The following PTPN1 variants were observed in gnomAD, a reference collection of about 807,000 sequenced individuals.
PTPN1 encodes protein tyrosine phosphatase non-receptor type 1.
In PTPN1, 12 loss-of-function variants were observed where a neutral mutation model predicts 59.9. That is an observed-to-expected ratio of 0.20 (90% confidence interval 0.13 to 0.32). PTPN1 has a LOEUF of 0.32. Ranked by LOEUF, PTPN1 falls within the 10% of genes least tolerant of loss-of-function variation. The pLI is 1.00. For synonymous variants in PTPN1, 178 were observed against 203.6 expected (o/e 0.87, Z 1.07); for missense variants, 356 against 549.2 (o/e 0.65, Z 3.52).
intron 1 of PTPN1, among the ~76,000 whole-genome samples, chr20:50,525,578 A>G (rs1274639566): frequency 6.6e-6 from 1 of 151,422 alleles, no homozygotes; most frequent in Non-Finnish European, 1.5e-5. Flanking sequence ...AATTCTAGCT[A>G]TGAGGATTAT....
At chr20:50,561,534 G>T in intron 2 of PTPN1, 81 bp downstream of exon 2, 3 of 841,232 alleles carry the variant, frequency 3.6e-6, no homozygotes, top group South Asian at 1.7e-5. Context: ...TCGCCTCAGG[G>T]TTTAGTATAA....
At chr20:50,554,662 T>C (rs780549070) in intron 1 of PTPN1, among the ~76,000 whole-genome samples, 4 of 151,898 alleles carry the variant, frequency 2.6e-5, no homozygotes, top group Non-Finnish European at 5.9e-5. Flanking sequence ...AAATAAAAAA[T>C]GTATGATAAT....
intron 1 of PTPN1, among the ~76,000 whole-genome samples, chr20:50,523,334 A>G (rs2082559464): frequency 6.6e-6 from 1 of 152,164 alleles, no homozygotes; most frequent in Admixed American, 6.5e-5. Flanking sequence ...AATATAGAAC[A>G]TTCGGAGAAT....
At chr20:50,580,066 T>A in intron 8 of PTPN1, 140 bp downstream of exon 8, 1 of 753,128 alleles carries the variant, frequency 1.3e-6, no homozygotes, top group Non-Finnish European at 2.2e-6. Flanking sequence ...ACAGGGCGCG[T>A]GGACCACAGC....
In PTPN1 at chr20:50,579,184, A is replaced by C; in HGVS notation, c.719A>C (p.Asp240Ala). ...TCLLLMDKRK[D>A]PSSVDIKKVL... ...GGCTTTCAGATGGACAAGAGGAAAGACCCTTCTTCCGTTGATATCAAGAAA... is the reference window on the plus strand; with the variant it reads ...GGCTTTCAGATGGACAAGAGGAAAGCCCCTTCTTCCGTTGATATCAAGAAA... Residue 240 changes from aspartate to alanine, a missense_variant, in exon 7 of 10, where the codon GAC (aspartate) becomes GCC (alanine). Asp to Ala is a moderately radical substitution (Grantham distance 126). This residue lies in a region of PTPN1 where 194 missense variants were observed against 344.2 expected (regional missense o/e 0.56). Coordinates refer to ENST00000371621, the MANE Select transcript of PTPN1 (RefSeq NM_002827.4). The C allele has an allele frequency of 6.2e-7, 1 of 1,614,186 alleles. No homozygotes were observed.
rs1159767206 is a variant in PTPN1 at position 50,583,364 on chromosome 20, A to G, written c.*649A>G. ...ATTGTGGGTAACGTGAGAAGATAGA[A>G]CAATGCTATAATATATAATGAACAC... On this transcript the variant is annotated 3_prime_UTR_variant, in exon 10 of 10. Coordinates refer to ENST00000371621, the MANE Select transcript of PTPN1 (RefSeq NM_002827.4). The G allele has an allele frequency of 2.6e-5, 4 of 152,576 alleles. No homozygotes were observed. The highest frequency in any genetic ancestry group is 5.9e-5 in the Non-Finnish European group (4 of 68,302). The allele number at this position is 152,576 out of a possible 1,614,324, so 9.5% of individuals were successfully genotyped here.
chr20:50,523,014 C>T (rs1213403316), intron 1 of PTPN1, among the ~76,000 whole-genome samples: 1 of 151,934 alleles, frequency 6.6e-6, no homozygotes, highest in Non-Finnish European at 1.5e-5. Context: ...GATCCATCCA[C>T]CTCGGCCTCC....
intron 1 of PTPN1, among the ~76,000 whole-genome samples, chr20:50,552,646 G>A (rs2082707355): frequency 6.6e-6 from 1 of 151,654 alleles, no homozygotes; most frequent in African/African-American, 2.4e-5. Context: ...CTCAAACTGG[G>A]TAATATAATG....
intron 1 of PTPN1, among the ~76,000 whole-genome samples, chr20:50,554,879 A>AG (rs1184864989): frequency 1.3e-5 from 2 of 152,278 alleles, no homozygotes; most frequent in East Asian, 1.9e-4. Context: ...GCAGAGACAG[A>AG]GGAAAAAAGG....
At chr20:50,513,476 G>A (rs1466889672) in intron 1 of PTPN1, among the ~76,000 whole-genome samples, 1 of 152,142 alleles carries the variant, frequency 6.6e-6, no homozygotes, top group Non-Finnish European at 1.5e-5. Context: ...TGGGTCCGGT[G>A]TTTTGCTTGT....
At chr20:50,547,237 ATACCTTT>A (rs2082679506) in intron 1 of PTPN1, among the ~76,000 whole-genome samples, 2 of 152,222 alleles carry the variant, frequency 1.3e-5, no homozygotes, top group Admixed American at 6.5e-5. Flanking sequence ...AGCAATTTTT[ATACCTTT>A]GGTAACGATT....
At chr20:50,524,117 G>A (rs1221580664) in intron 1 of PTPN1, among the ~76,000 whole-genome samples, 2 of 152,080 alleles carry the variant, frequency 1.3e-5, no homozygotes, top group African/African-American at 4.8e-5. Context: ...CTGCCATATG[G>A]CCTCTAAACG....
intron 3 of PTPN1, among the ~76,000 whole-genome samples, chr20:50,565,546 T>A (rs2082774903): frequency 1.3e-5 from 2 of 152,210 alleles, no homozygotes. Context: ...TGAACAAGCA[T>A]GAAAAATGAC....
At chr20:50,548,216 C>T (rs1430998243) in intron 1 of PTPN1, among the ~76,000 whole-genome samples, 5 of 152,062 alleles carry the variant, frequency 3.3e-5, no homozygotes, top group African/African-American at 1.2e-4. Flanking sequence ...TTTGCTCATG[C>T]TTTGACTGGG....
rs559906719 is a variant in PTPN1, at chr20:50,582,867, C to T, written c.*152C>T. 2.1e-4 allele frequency: 180 copies of T among 854,160 alleles called. No individual in the cohort carries two copies. The highest frequency in any genetic ancestry group is 2.9e-4 in the Admixed American group (13 of 44,490). 52.9% of individuals were successfully genotyped at this position (854,160 alleles called of 1,614,324 possible). A position where few individuals can be genotyped will look rare whatever the true frequency, so the allele number is the denominator to read the frequency against. On this transcript the variant is annotated 3_prime_UTR_variant, in exon 10 of 10. Transcript: ENST00000371621. The surrounding 1 kb of genome is among the most constrained non-coding windows in gnomAD (Gnocchi z 4.2). The stretch of plus-strand genomic sequence containing the variant: ...ACGTTGGTTCTGCACTAAAACCCAT[C>T]TTCCCCGGATGTGTGTCTCACCCCT...
In PTPN1 at chr20:50,576,773, G is replaced by A. The variant is rs185801372; in HGVS notation, c.493-1647G>A. Among the ~76,000 whole-genome samples, 1,426 of 152,084 alleles carry A rather than the reference G, an allele frequency of 9.4e-3. 8 individuals carry two copies. Among genetic ancestry groups the A allele is most frequent in the Non-Finnish European group, 0.015 (988 of 67,994 alleles). On this transcript the variant is annotated intron_variant, in intron 5 of 9. Transcript: ENST00000371621. The stretch of plus-strand genomic sequence containing the variant: ...CACCTGTAATCCCAGCTACTCGGGA[G>A]GCTGAGGCAGAGAATTGCTTGAACC...
chr20:50,549,458 G>A (rs1258604557), intron 1 of PTPN1, among the ~76,000 whole-genome samples: 1 of 152,102 alleles, frequency 6.6e-6, no homozygotes, highest in Non-Finnish European at 1.5e-5. Context: ...TTCTGTTAGT[G>A]ACTTGTAGCT....
chr20:50,572,242 G>A (rs1294613443), intron 4 of PTPN1: 1 of 152,200 alleles, frequency 6.6e-6, no homozygotes, highest in Admixed American at 6.5e-5. Flanking sequence ...GCCTGGTGAA[G>A]TACTGTGTTC....
chr20:50,553,804 C>T (rs181543320), intron 1 of PTPN1, among the ~76,000 whole-genome samples: 50 of 151,806 alleles, frequency 3.3e-4, no homozygotes, highest in African/African-American at 1.0e-3. Context: ...GAAAAACAAC[C>T]GAATACCATT....
Sources: gnomAD v4.1 joint callset for allele counts (sites outside exome capture counted in the v4.1 genomes callset) on GRCh38, gnomAD v4.1.1 for gene constraint, gnomAD v4.1.1 regional missense constraint, Gnocchi (gnomAD v3.1) non-coding constraint, MANE v1.5 for transcripts, NCBI Gene and HGNC (gene_info 2026-07-23, HGNC 2026-07-21) for gene names.